The following CDH13 variants were observed in gnomAD, a reference collection of about 807,000 sequenced individuals.
CDH13 encodes cadherin 13, also known as cadherin-13.
CDH13 carries 24 observed loss-of-function variants against 63.8 expected under a neutral mutation model. That is an observed-to-expected ratio of 0.38 (90% CI 0.27 to 0.53). The LOEUF (loss-of-function observed/expected upper bound fraction) is 0.53. Ranked by LOEUF, CDH13 falls within the 20% of genes least tolerant of loss-of-function variation. The probability of loss-of-function intolerance (pLI) is 0.85; values close to 1 mark genes in which losing one functional copy is unlikely to be tolerated. For missense variants in CDH13, 1,049 were observed against 903.1 expected (o/e 1.16, Z -2.07); for synonymous variants, 503 against 355.3 (o/e 1.42, Z -4.67).
intron 3 of CDH13, among the ~76,000 whole-genome samples, chr16:83,125,097 C>G (rs2035751020): frequency 3.3e-5 from 5 of 152,158 alleles, no homozygotes; most frequent in Admixed American, 3.3e-4. Context: ...AGATTAAGAA[C>G]AGCAATATGC....
At chr16:83,705,039 G>A (rs1045513607) in intron 10 of CDH13, among the ~76,000 whole-genome samples, 4 of 152,174 alleles carry the variant, frequency 2.6e-5, no homozygotes, top group African/African-American at 4.8e-5. Flanking sequence ...TGAAACTGAA[G>A]CTCACCACTT....
At chr16:83,618,798 A>T (rs1046178866) in intron 8 of CDH13, among the ~76,000 whole-genome samples, 2 of 152,136 alleles carry the variant, frequency 1.3e-5, no homozygotes, top group African/African-American at 4.8e-5. Context: ...AGGAATCGTT[A>T]GAGTGGAGAC....
chr16:83,208,860 T>C (rs561664568), intron 4 of CDH13, among the ~76,000 whole-genome samples: 15 of 152,296 alleles, frequency 9.8e-5, no homozygotes, highest in African/African-American at 3.4e-4. Context: ...GGTACTAGAA[T>C]TTATTTATCT....
At chr16:82,739,732 C>T (rs958028369) in intron 1 of CDH13, among the ~76,000 whole-genome samples, 9 of 152,136 alleles carry the variant, frequency 5.9e-5, no homozygotes. Flanking sequence ...ACTTTGTCAA[C>T]TTTTTCCAAA....
chr16:83,619,663 G>C (rs1190825263), intron 8 of CDH13, among the ~76,000 whole-genome samples: 1 of 152,226 alleles, frequency 6.6e-6, no homozygotes. Flanking sequence ...TCTACACCTG[G>C]CTTCTCCCCG....
intron 5 of CDH13, among the ~76,000 whole-genome samples, chr16:83,233,910 A>C (rs1483908410): frequency 2.0e-5 from 3 of 152,190 alleles, no homozygotes; most frequent in Non-Finnish European, 4.4e-5. Flanking sequence ...AGATGAGGTA[A>C]TGGAGAGACA....
chr16:83,559,698 C>G (rs551670292), intron 7 of CDH13, among the ~76,000 whole-genome samples: 9 of 152,154 alleles, frequency 5.9e-5, no homozygotes, highest in African/African-American at 1.9e-4. Flanking sequence ...CACCTTAATT[C>G]TACCCATTTT....
chr16:83,619,591 G>A lies in CDH13; in HGVS notation c.1101+16997G>A, dbSNP rs574540482. On this transcript the variant is annotated intron_variant, in intron 8 of 13. Transcript: ENST00000567109. ...TGTCCCCACACTTCTGGTGGCCGCC[G>A]GCAACCTTTGTGCTCCTGGGCTTGT... Among the ~76,000 whole-genome samples the A allele has an allele frequency of 5.9e-5, 9 of 152,304 alleles. No individual in the cohort carries two copies. In the South Asian group the frequency reaches 8.3e-4, roughly 14 times the overall value.
intron 1 of CDH13, among the ~76,000 whole-genome samples, chr16:82,853,167 T>A (rs1410364470): frequency 2.0e-5 from 3 of 152,118 alleles, no homozygotes; most frequent in African/African-American, 7.2e-5. Flanking sequence ...CCTACAGAGG[T>A]AACACAACTC....
chr16:83,220,689 G>C (rs1489860322), intron 5 of CDH13, among the ~76,000 whole-genome samples: 2 of 149,078 alleles, frequency 1.3e-5, no homozygotes, highest in Admixed American at 1.3e-4. Flanking sequence ...AAAAAGGAGA[G>C]AGCCTGCAGG....
In CDH13 at chr16:82,728,644, C is replaced by T. The variant is rs2033231120; in HGVS notation, c.45+101507C>T. ...GATTGAGGGTCTTGCCTTGATGTGA[C>T]ATTGATGGTTTCTGGCTGATCAGGG... On this transcript the variant is annotated intron_variant, in intron 1 of 13. Coordinates refer to ENST00000567109, the MANE Select transcript of CDH13 (RefSeq NM_001257.5). Among the ~76,000 whole-genome samples, 3 of 152,228 alleles carry T rather than the reference C, an allele frequency of 2.0e-5. No individual in the cohort carries two copies. In the South Asian group the frequency reaches 6.2e-4, roughly 32 times the overall value.
chr16:83,761,486 A>G (rs868495803), intron 11 of CDH13, among the ~76,000 whole-genome samples: 4 of 152,242 alleles, frequency 2.6e-5, no homozygotes, highest in South Asian at 4.1e-4. Flanking sequence ...ATGTAGTGGA[A>G]GAAGATTTAT....
At chr16:83,159,942 G>T (rs2037376195) in intron 4 of CDH13, among the ~76,000 whole-genome samples, 1 of 152,050 alleles carries the variant, frequency 6.6e-6, no homozygotes, top group Non-Finnish European at 1.5e-5. Flanking sequence ...CGGGCATGGT[G>T]GTGCATACCT....
At chr16:83,077,994 A>G (rs557662480) in intron 3 of CDH13, among the ~76,000 whole-genome samples, 1 of 151,500 alleles carries the variant, frequency 6.6e-6, no homozygotes, top group East Asian at 1.9e-4. Context: ...TCTGTTCCTT[A>G]AAGGAACATT....
At chr16:82,966,886 C>A (rs1567702253) in intron 2 of CDH13, among the ~76,000 whole-genome samples, 1 of 152,134 alleles carries the variant, frequency 6.6e-6, no homozygotes, top group East Asian at 1.9e-4. Context: ...CAAATTAACG[C>A]TATTAAAAAT....
chr16:83,617,318 C>A (rs1909367455), intron 8 of CDH13, among the ~76,000 whole-genome samples: 1 of 152,094 alleles, frequency 6.6e-6, no homozygotes, highest in South Asian at 2.1e-4. Context: ...TACAATGTTA[C>A]CTGTATACCA....
chr16:83,725,638 C>G (rs755271640), intron 10 of CDH13: 1 of 152,204 alleles, frequency 6.6e-6, no homozygotes, highest in Non-Finnish European at 1.5e-5. Flanking sequence ...GAACGTTAAA[C>G]AACCAAAAAC....
At chr16:82,746,816 T>C (rs951676965) in intron 1 of CDH13, among the ~76,000 whole-genome samples, 2 of 152,166 alleles carry the variant, frequency 1.3e-5, no homozygotes, top group African/African-American at 2.4e-5. Context: ...CTCTGAATCA[T>C]TTGCTTTGTT....
intron 6 of CDH13, among the ~76,000 whole-genome samples, chr16:83,403,489 C>G (rs1016254676): frequency 6.6e-6 from 1 of 151,928 alleles, no homozygotes; most frequent in Non-Finnish European, 1.5e-5. Context: ...CAGGTGTGGT[C>G]GCGCGCGCCT....
Sources: gnomAD v4.1 joint callset for allele counts (sites outside exome capture counted in the v4.1 genomes callset) on GRCh38, gnomAD v4.1.1 for gene constraint, MANE v1.5 for transcripts, NCBI Gene and HGNC (gene_info 2026-07-23, HGNC 2026-07-21) for gene names.